The following NRCAM variants were observed in gnomAD, a reference collection of about 807,000 sequenced individuals.
NRCAM encodes the protein NgCAM-related cell adhesion molecule.
Under a neutral mutation model 156.5 loss-of-function variants are expected in NRCAM, and 83 were observed. The ratio of observed to expected loss-of-function variants is 0.53; its 90% CI spans 0.44 to 0.64. The LOEUF (loss-of-function observed/expected upper bound fraction) is 0.64. Among genes scored for constraint, NRCAM ranks in the 30% least tolerant of loss-of-function variants. NRCAM has a pLI of 0.00. For synonymous variants in NRCAM, 538 were observed against 563.9 expected, an observed-to-expected ratio of 0.95 and a Z score of 0.65; for missense variants, 1,417 against 1,597.3, an observed-to-expected ratio of 0.89 and a Z score of 1.92.
intron 8 of NRCAM, among the ~76,000 whole-genome samples, chr7:108,228,325 CA>C (rs372234122): frequency 3.5e-4 from 51 of 144,008 alleles, no homozygotes; most frequent in South Asian, 1.1e-3. Flanking sequence ...CCATCTAAAA[CA>C]AAAAAAAAAA....
At chr7:108,379,870 TA>T (rs963729506) in intron 2 of NRCAM, among the ~76,000 whole-genome samples, 2 of 151,836 alleles carry the variant, frequency 1.3e-5, no homozygotes, top group African/African-American at 2.4e-5. Flanking sequence ...AGAGAAGTCA[TA>T]AAAAAAATAA....
chr7:108,394,668 GTTA>G (rs2099772060), intron 2 of NRCAM, among the ~76,000 whole-genome samples: 1 of 152,198 alleles, frequency 6.6e-6, no homozygotes. Context: ...GTAATGGATA[GTTA>G]TTATCCAGGT....
chr7:108,227,448 G>A (rs562975730), intron 8 of NRCAM, among the ~76,000 whole-genome samples: 29 of 152,246 alleles, frequency 1.9e-4, no homozygotes, highest in Non-Finnish European at 3.5e-4. Flanking sequence ...AGACAGTTAC[G>A]ATTTCTTTGT....
intron 28 of NRCAM, among the ~76,000 whole-genome samples, chr7:108,171,888 A>T (rs1417221199): frequency 1.3e-5 from 2 of 152,182 alleles, no homozygotes; most frequent in African/African-American, 4.8e-5. Context: ...GTATAGGCCA[A>T]AAAAGGAATT....
At chr7:108,206,091 T>G (rs1375965128) in intron 13 of NRCAM, among the ~76,000 whole-genome samples, 2 of 152,226 alleles carry the variant, frequency 1.3e-5, no homozygotes, top group Non-Finnish European at 2.9e-5. Flanking sequence ...AGGAATACAC[T>G]TCCTTCTACA....
chr7:108,371,621 T>C (rs2099629203), intron 2 of NRCAM, among the ~76,000 whole-genome samples: 1 of 152,170 alleles, frequency 6.6e-6, no homozygotes, highest in Non-Finnish European at 1.5e-5. Flanking sequence ...TGAATATCTC[T>C]AGGTGTAAGG....
chr7:108,263,140 G>A (rs983222575), intron 3 of NRCAM, among the ~76,000 whole-genome samples: 1 of 152,204 alleles, frequency 6.6e-6, no homozygotes, highest in African/African-American at 2.4e-5. Context: ...CAGGAACCAC[G>A]TGGATGCCCT....
At chr7:108,454,548 T>C (rs144252703) in intron 1 of NRCAM, among the ~76,000 whole-genome samples, 1 of 152,236 alleles carries the variant, frequency 6.6e-6, no homozygotes, top group Admixed American at 6.5e-5. Flanking sequence ...CGGTTGGCTA[T>C]CGTTACCATT....
intron 6 of NRCAM, among the ~76,000 whole-genome samples, chr7:108,233,287 TCA>T (rs139732908): frequency 0.015 from 2,299 of 152,262 alleles, 52 homozygotes; most frequent in African/African-American, 0.047. Context: ...TCTCTAAACG[TCA>T]CAGTGTTTTC....
At chr7:108,181,128 T>C (rs2153303049) in intron 24 of NRCAM, among the ~76,000 whole-genome samples, 1 of 152,282 alleles carries the variant, frequency 6.6e-6, no homozygotes, top group South Asian at 2.1e-4. Context: ...TCTTCTTAAA[T>C]TCTTATGAAT....
At chr7:108,187,407 A>C (rs538650303) in intron 20 of NRCAM, among the ~76,000 whole-genome samples, 1 of 152,160 alleles carries the variant, frequency 6.6e-6, no homozygotes, top group African/African-American at 2.4e-5. Context: ...CTCTTGCTGG[A>C]AAGTTCTTCC....
In NRCAM at chr7:108,297,795, G is replaced by A. The variant is rs527771105; in HGVS notation, c.-107+14870C>T. On this transcript the variant is annotated intron_variant, in intron 3 of 32. Coordinates refer to ENST00000379028, the MANE Select transcript of NRCAM (RefSeq NM_001037132.4). ...CATGTCAATGTGTGTGTGTGCATGCGCACGTATGTGTGTGTATATGCACAT... is the reference window on the plus strand; with the variant it reads ...CATGTCAATGTGTGTGTGTGCATGCACACGTATGTGTGTGTATATGCACAT... Among the ~76,000 whole-genome samples, 208 of 152,334 alleles carry A rather than the reference G, an allele frequency of 1.4e-3. 1 individual carries two copies. Among genetic ancestry groups the A allele is most frequent in the African/African-American group, 4.5e-3 (189 of 41,572 alleles).
At chr7:108,177,624 A>AATATATAT (rs59391934) in intron 26 of NRCAM, among the ~76,000 whole-genome samples, 40 of 80,558 alleles carry the variant, frequency 5.0e-4, no homozygotes, top group Non-Finnish European at 6.8e-4. Context: ...CTCCATCTCA[A>AATATATAT]ATATATATAT....
chr7:108,445,046 G>A (rs1256232755), intron 1 of NRCAM, among the ~76,000 whole-genome samples: 1 of 152,124 alleles, frequency 6.6e-6, no homozygotes, highest in Non-Finnish European at 1.5e-5. Flanking sequence ...CATGCAGTTT[G>A]TAAACTAGAT....
At chr7:108,168,876 A>G (rs1284745392) in intron 28 of NRCAM, among the ~76,000 whole-genome samples, 1 of 152,214 alleles carries the variant, frequency 6.6e-6, no homozygotes, top group Non-Finnish European at 1.5e-5. Context: ...GGTGTGACAG[A>G]GAATGCCCCT....
At chr7:108,191,994 T>C in intron 17 of NRCAM, 141 bp from the exon 18 acceptor site, 2 of 872,238 alleles carry the variant, frequency 2.3e-6, no homozygotes, top group East Asian at 2.6e-5. Flanking sequence ...AAAATACATA[T>C]CACTTTAAGA....
chr7:108,234,723 A>C (rs2094726915), intron 5 of NRCAM, 35 bp from the exon 6 acceptor site: 1 of 1,431,062 alleles, frequency 7.0e-7, no homozygotes, highest in African/African-American at 1.4e-5. Context: ...TAAAAAAACA[A>C]ATTATTTAAA....
intron 2 of NRCAM, among the ~76,000 whole-genome samples, chr7:108,361,230 A>G (rs2099548244): frequency 6.6e-6 from 1 of 152,232 alleles, no homozygotes; most frequent in African/African-American, 2.4e-5. Context: ...AACATTGACA[A>G]TTTCAAATGC....
chr7:108,442,429 A>G (rs1598258340), intron 1 of NRCAM, among the ~76,000 whole-genome samples: 2 of 152,228 alleles, frequency 1.3e-5, no homozygotes, highest in Admixed American at 1.3e-4. Context: ...TGACCAGAGC[A>G]GGTGCAGGTA....
Sources: gnomAD v4.1 joint callset for allele counts (sites outside exome capture counted in the v4.1 genomes callset) on GRCh38, gnomAD v4.1.1 for gene constraint, MANE v1.5 for transcripts, NCBI Gene and HGNC (gene_info 2026-07-23, HGNC 2026-07-21) for gene names.